The following MYT1L variants were observed in gnomAD, a reference collection of about 807,000 sequenced individuals.
MYT1L encodes the protein myelin transcription factor 1 like, also known as myelin transcription factor 1-like protein.
MYT1L carries 12 observed loss-of-function variants against 126.7 expected under a neutral mutation model. The observed-to-expected ratio is 0.09, with a 90% confidence interval of 0.06 to 0.15. The LOEUF (loss-of-function observed/expected upper bound fraction) is 0.15. Ranked by LOEUF, MYT1L falls within the 10% of genes least tolerant of loss-of-function variation. MYT1L has a pLI of 1.00. For missense variants in MYT1L, 979 were observed against 1,585.2 expected (o/e 0.62, Z 6.49); for synonymous variants, 541 against 604.2 (o/e 0.90, Z 1.53).
At chr2:2,133,244 A>T (rs2082617572) in intron 3 of MYT1L, among the ~76,000 whole-genome samples, 1 of 152,228 alleles carries the variant, frequency 6.6e-6, no homozygotes, top group Non-Finnish European at 1.5e-5. Context: ...AGGCACAAAA[A>T]CCAAGAGACT....
intron 18 of MYT1L, among the ~76,000 whole-genome samples, chr2:1,876,217 A>T (rs1210983282): frequency 2.6e-5 from 4 of 152,124 alleles, no homozygotes; most frequent in Non-Finnish European, 5.9e-5. Flanking sequence ...ATTCCCAGAA[A>T]ATCGGATTCT....
At chr2:1,966,958 C>A (rs186482852) in intron 8 of MYT1L, among the ~76,000 whole-genome samples, 6 of 152,128 alleles carry the variant, frequency 3.9e-5, no homozygotes, top group Admixed American at 3.9e-4. Context: ...CACTTTTTAG[C>A]TAGATGTGTT....
chr2:2,221,710 T>C (rs561690945), intron 2 of MYT1L, among the ~76,000 whole-genome samples: 12 of 152,290 alleles, frequency 7.9e-5, no homozygotes, highest in Admixed American at 7.2e-4. Flanking sequence ...GTCTAGCCTG[T>C]TCTCTTTTGC....
intron 9 of MYT1L, among the ~76,000 whole-genome samples, chr2:1,939,603 T>C (rs771203875): frequency 1.4e-4 from 22 of 152,226 alleles, no homozygotes; most frequent in Non-Finnish European, 2.9e-4. Context: ...GCTCAACAAG[T>C]GAGAACATTC....
At chr2:2,305,874 A>C (rs986456599) in intron 1 of MYT1L, 1 of 152,190 alleles carries the variant, frequency 6.6e-6, no homozygotes, top group African/African-American at 2.4e-5. Flanking sequence ...TCCCTCTCCA[A>C]CACTGATGAT....
intron 1 of MYT1L, among the ~76,000 whole-genome samples, chr2:2,308,962 C>T (rs2095905966): frequency 6.6e-6 from 1 of 151,444 alleles, no homozygotes; most frequent in African/African-American, 2.4e-5. Context: ...ACTCCACCTA[C>T]ACTTTATTAT....
intron 2 of MYT1L, among the ~76,000 whole-genome samples, chr2:2,231,904 T>C (rs960201257): frequency 1.3e-5 from 2 of 152,204 alleles, no homozygotes; most frequent in Admixed American, 1.3e-4. Flanking sequence ...TCTGGTTTGG[T>C]TTGATCTTAA....
chr2:1,843,135 C>G (rs2042035796), intron 19 of MYT1L, among the ~76,000 whole-genome samples: 1 of 152,228 alleles, frequency 6.6e-6, no homozygotes, highest in Admixed American at 6.5e-5. Flanking sequence ...TCGGGCTGGC[C>G]GATGTCCCTG....
intron 9 of MYT1L, among the ~76,000 whole-genome samples, chr2:1,927,024 T>C (rs940860799): frequency 1.2e-4 from 18 of 152,234 alleles, no homozygotes; most frequent in Non-Finnish European, 2.2e-4. Context: ...TTTTTGGTTT[T>C]CTATTTTAAA....
chr2:2,057,197 C>T (rs1414204539), intron 3 of MYT1L, among the ~76,000 whole-genome samples: 1 of 152,180 alleles, frequency 6.6e-6, no homozygotes, highest in East Asian at 1.9e-4. Flanking sequence ...TAACTATCAC[C>T]GAAGGAGCAA....
chr2:2,298,163 C>T (rs2095726101), intron 1 of MYT1L, among the ~76,000 whole-genome samples: 1 of 152,220 alleles, frequency 6.6e-6, no homozygotes, highest in Non-Finnish European at 1.5e-5. Context: ...CACAGAAACA[C>T]TTGATTTGCA....
intron 2 of MYT1L, among the ~76,000 whole-genome samples, chr2:2,218,716 T>C (rs1011064503): frequency 1.3e-5 from 2 of 152,210 alleles, no homozygotes; most frequent in African/African-American, 4.8e-5. Flanking sequence ...TCAATTGTCA[T>C]TCAGTAGAGC....
Position 1,789,248 on chromosome 2 carries a change from C to T in MYT1L, c.*2619G>A, listed in dbSNP as rs956628453. The T allele has an allele frequency of 6.6e-6, 1 of 152,160 alleles. No individual in the cohort carries two copies. The highest frequency in any genetic ancestry group is 1.9e-4 in the East Asian group (1 of 5,190). The allele number at this position is 152,160 out of a possible 1,614,324, so 9.4% of individuals were successfully genotyped here. A position where few individuals can be genotyped will look rare whatever the true frequency, so the allele number is the denominator to read the frequency against. On this transcript the variant is annotated 3_prime_UTR_variant, in exon 25 of 25. Transcript: ENST00000647738. Reference sequence around the variant, plus strand: ...TATCACAGCAACTTGTGATTCCACACATTTATAGCAAAATTAAAGTGTCAA... The same window carrying T: ...TATCACAGCAACTTGTGATTCCACATATTTATAGCAAAATTAAAGTGTCAA...
intron 18 of MYT1L, among the ~76,000 whole-genome samples, chr2:1,875,061 G>A (rs769442326): frequency 4.3e-4 from 66 of 152,064 alleles, no homozygotes; most frequent in Non-Finnish European, 1.9e-4. Context: ...TTACTTAAAG[G>A]CCTGGATTTT....
chr2:2,323,537 G>A (rs2096205267), intron 1 of MYT1L, among the ~76,000 whole-genome samples: 1 of 152,098 alleles, frequency 6.6e-6, no homozygotes, highest in African/African-American at 2.4e-5. Flanking sequence ...TCCTACCATG[G>A]AAGTATAATT....
intron 19 of MYT1L, among the ~76,000 whole-genome samples, chr2:1,843,902 C>T (rs137860568): frequency 2.7e-4 from 41 of 152,324 alleles, no homozygotes; most frequent in African/African-American, 9.1e-4. Flanking sequence ...GATTTGGCTC[C>T]GACAATGCGG....
rs1438116148 is a variant in MYT1L at position 1,820,244 on chromosome 2, AAG to A, written c.3081-11079_3081-11078del. 2.0e-5 allele frequency among the ~76,000 whole-genome samples: 3 copies of A among 152,250 alleles called. No individual in the cohort carries two copies. In the East Asian group the frequency reaches 5.8e-4, roughly 29 times the overall value. On this transcript the variant is annotated intron_variant, in intron 21 of 24. Coordinates refer to ENST00000647738, the MANE Select transcript of MYT1L (RefSeq NM_001303052.2). Reference sequence around the variant, plus strand: ...ATACTGAGTGTGCAATCATTTTCCTAAGAGTTTTGAAGGCATTGTTCTATTTG... The same window carrying A: ...ATACTGAGTGTGCAATCATTTTCCTAAGTTTTGAAGGCATTGTTCTATTTG...
rs924626608 is a variant in MYT1L, at chr2:1,793,537, C to T, written c.3277-1073G>A. Among the ~76,000 whole-genome samples, 1 of 152,210 alleles carries T rather than the reference C, an allele frequency of 6.6e-6. No homozygotes were observed. Among genetic ancestry groups the T allele is most frequent in the Non-Finnish European group, 1.5e-5 (1 of 68,042 alleles). On this transcript the variant is annotated intron_variant, in intron 23 of 24. Coordinates refer to ENST00000647738, the MANE Select transcript of MYT1L (RefSeq NM_001303052.2). The surrounding 1 kb of genome is among the most constrained non-coding windows in gnomAD (Gnocchi z 4.6). ...CCTCTCCCTGTCGGCCCTGCCTTCTCCTATGTTCTGGCCCTCCCTTGGCTG... is the reference window on the plus strand; with the variant it reads ...CCTCTCCCTGTCGGCCCTGCCTTCTTCTATGTTCTGGCCCTCCCTTGGCTG...
At position 2,059,255 on chromosome 2, in the gene MYT1L, G is replaced by A. The variant is rs1470586410; in HGVS notation, c.-303-5132C>T. 6.6e-6 allele frequency among the ~76,000 whole-genome samples: 1 copy of A among 152,122 alleles called. No homozygotes were observed. The highest frequency in any genetic ancestry group is 1.9e-4 in the East Asian group (1 of 5,190). On this transcript the variant is annotated intron_variant, in intron 3 of 24. Coordinates refer to ENST00000647738, the MANE Select transcript of MYT1L (RefSeq NM_001303052.2). This position sits in a 1 kb window ranked among gnomAD's most constrained non-coding sequence, Gnocchi z 4.7. ...CTTACTCTGGGTGAGGGCATCAACG[G>A]GGTCGCAACTGCTTTTCGCAGGATT... is the stretch of plus-strand genomic sequence containing the variant.
Sources: allele counts gnomAD v4.1 joint callset (sites outside exome capture counted in the v4.1 genomes callset), GRCh38; gene constraint gnomAD v4.1.1; non-coding constraint Gnocchi (gnomAD v3.1); transcripts MANE v1.5; gene names NCBI Gene and HGNC (gene_info 2026-07-23, HGNC 2026-07-21).